HDAC5: variants seen among roughly 807,000 people sequenced by gnomAD.
HDAC5 encodes the protein antigen NY-CO-9.
HDAC5 carries 25 observed loss-of-function variants against 133.3 expected under a neutral mutation model. The ratio of observed to expected loss-of-function variants is 0.19; its 90% CI spans 0.14 to 0.26. The LOEUF (loss-of-function observed/expected upper bound fraction) is 0.26. HDAC5 is among the 10% of genes least tolerant of loss of function. The probability of loss-of-function intolerance (pLI) is 1.00; values close to 1 mark genes in which losing one functional copy is unlikely to be tolerated. For missense variants in HDAC5, 1,041 were observed against 1,460.5 expected (o/e 0.71, Z 4.68); for synonymous variants, 589 against 610.8 (o/e 0.96, Z 0.53).
intron 3 of HDAC5, among the ~76,000 whole-genome samples, chr17:44,106,138 C>T (rs1214120919): frequency 6.6e-6 from 1 of 152,102 alleles, no homozygotes; most frequent in African/African-American, 2.4e-5. Context: ...GATTTCCTGT[C>T]TGGCAGCTGT....
Position 44,117,804 on chromosome 17 carries a change from G to C in HDAC5, c.-189-100C>G. The C allele has an allele frequency of 1.8e-6, 1 of 570,540 alleles. No homozygotes were observed. The highest frequency in any genetic ancestry group is 3.1e-6 in the Non-Finnish European group (1 of 319,112). 35.3% of individuals were successfully genotyped at this position (570,540 alleles called of 1,614,324 possible). ...CAGTTTGTACCTGGGGATGAGGGAT[G>C]AGAGGGAGGGATACCTGCCCACAGC... On this transcript the variant is annotated intron_variant, in intron 1 of 26. Transcript: ENST00000682912. This position sits in a 1 kb window ranked among gnomAD's most constrained non-coding sequence, Gnocchi z 4.2.
Position 44,088,394 on chromosome 17 carries a change from A to C in HDAC5, c.1592T>G (p.Leu531Arg). Residue 531 changes from leucine to arginine, a missense_variant, in exon 12 of 27, where the codon CTG (leucine) becomes CGG (arginine). This residue lies in a region of HDAC5 where 433 missense variants were observed against 531.6 expected (regional missense o/e 0.81). Coordinates refer to ENST00000682912, the MANE Select transcript of HDAC5 (RefSeq NM_005474.5). ...LEKQKQQQLQ[L>R]GKILTKTGEL... ...TCACCTTTCCAGGCTCACCTTGCCC[A>C]GCTGTAGCTGCTGCTGCTTCTGCTT... 2 of 1,551,488 alleles carry C rather than the reference A, an allele frequency of 1.3e-6. No homozygotes were observed. The highest frequency in any genetic ancestry group is 4.9e-5 in the East Asian group (2 of 41,060).
rs149570636 is a variant in HDAC5, at chr17:44,092,472, C to T, written c.828G>A (p.Arg276=). The change falls in exon 8 of 27, where the codon CGG becomes CGA. Residue 276 remains arginine, a synonymous_variant. Coordinates refer to ENST00000682912, the MANE Select transcript of HDAC5 (RefSeq NM_005474.5). The stretch of plus-strand genomic sequence containing the variant: ...TGCGACGCAGGAGGGGACTGCTTCT[C>T]CGCTCAGCCACCTTCTGTTTTAGCC... The part of the protein sequence containing the change: ...RSRLKQKVAE[R]RSSPLLRRKD... The T allele has an allele frequency of 2.6e-4, 412 of 1,613,920 alleles. No individual in the cohort carries two copies. Among genetic ancestry groups the T allele is most frequent in the Middle Eastern group, 3.3e-4 (2 of 6,080 alleles).
intron 20 of HDAC5, 52 bp downstream of exon 20, chr17:44,082,533 C>G: frequency 7.0e-7 from 1 of 1,422,002 alleles, no homozygotes; most frequent in Non-Finnish European, 9.9e-7. Flanking sequence ...GAAGGCTGAC[C>G]CTGGTCCTAG....
chr17:44,088,682 C>T, intron 11 of HDAC5, 84 bp from the exon 12 acceptor site: 3 of 1,519,176 alleles, frequency 2.0e-6, no homozygotes, highest in South Asian at 1.3e-5. Flanking sequence ...GCCCCCACAA[C>T]CCCCTCTGGC....
At chr17:44,113,508 T>G (rs2052464745) in intron 2 of HDAC5, among the ~76,000 whole-genome samples, 1 of 151,978 alleles carries the variant, frequency 6.6e-6, no homozygotes, top group Non-Finnish European at 1.5e-5. Context: ...TGATACAAGG[T>G]CCTCCTAATG....
chr17:44,084,524 T>C (rs2050555847), intron 16 of HDAC5, 31 bp downstream of exon 16: 2 of 1,603,414 alleles, frequency 1.2e-6, no homozygotes, highest in Non-Finnish European at 1.7e-6. Context: ...ACACTGAACA[T>C]GCCTGCCCGC....
At chr17:44,081,030 CTCCA>C (rs1178176798) in intron 20 of HDAC5, 148 bp from the exon 21 acceptor site, 3 of 1,026,430 alleles carry the variant, frequency 2.9e-6, no homozygotes, top group Non-Finnish European at 4.3e-6. Context: ...GAGCCCAGGA[CTCCA>C]CCCTTGGCCA....
rs558980621 is a variant in HDAC5, at chr17:44,108,767, A to C, written c.94+1962T>G. 1.1e-3 allele frequency among the ~76,000 whole-genome samples: 163 copies of C among 146,544 alleles called. 1 individual carries two copies. Among genetic ancestry groups the C allele is most frequent in the South Asian group, 7.1e-3 (34 of 4,756 alleles). ...TCCAGAGTCCAAAAAAAAAACAAAAAAAAAACAAAAAAAAAACAAGGCTGC... is the reference window on the plus strand; with the variant it reads ...TCCAGAGTCCAAAAAAAAAACAAAACAAAAACAAAAAAAAAACAAGGCTGC... On this transcript the variant is annotated intron_variant, in intron 3 of 26. Coordinates refer to ENST00000682912, the MANE Select transcript of HDAC5 (RefSeq NM_005474.5).
chr17:44,086,929 A>G (rs2050680875), intron 13 of HDAC5, among the ~76,000 whole-genome samples, 192 bp from the exon 14 acceptor site: 1 of 128,262 alleles, frequency 7.8e-6, no homozygotes, highest in African/African-American at 3.0e-5. Flanking sequence ...GATGGGGGAG[A>G]TGTGATGAGT....
At chr17:44,108,751 C>CAAAAAA (rs773575696) in intron 3 of HDAC5, among the ~76,000 whole-genome samples, 25 of 56,950 alleles carry the variant, frequency 4.4e-4, no homozygotes, top group African/African-American at 1.3e-3. Context: ...TTCCAGAGTC[C>CAAAAAA]AAAAAAAAAA....
intron 3 of HDAC5, among the ~76,000 whole-genome samples, chr17:44,104,665 C>T (rs2051824130): frequency 6.6e-6 from 1 of 152,238 alleles, no homozygotes; most frequent in African/African-American, 2.4e-5. Context: ...GCTCTTGGCT[C>T]AGGCCACAAT....
At chr17:44,122,903 G>A (rs2053098928) in intron 1 of HDAC5, among the ~76,000 whole-genome samples, 1 of 152,240 alleles carries the variant, frequency 6.6e-6, no homozygotes, top group African/African-American at 2.4e-5. Context: ...CAGGAGAAGA[G>A]GGTGGCAACA....
At position 44,091,456 on chromosome 17, in the gene HDAC5, T is replaced by A. The variant is rs938614249; in HGVS notation, c.1201A>T (p.Arg401Trp). 7 of 1,545,018 alleles carry A rather than the reference T, an allele frequency of 4.5e-6. No individual in the cohort carries two copies. Among genetic ancestry groups the A allele is most frequent in the Non-Finnish European group, 6.1e-6 (7 of 1,146,898 alleles). Residue 401 changes from arginine (R) to tryptophan (W), a missense_variant, in exon 11 of 27, where the codon AGG becomes TGG. By Grantham distance (101) the Arg-to-Trp change is moderately radical. Coordinates refer to ENST00000682912, the MANE Select transcript of HDAC5 (RefSeq NM_005474.5). Reference sequence around the variant, plus strand: ...TGCCGCAGGGACTGGAGGGCCTGCCTCTCGGCCTCCTGCTGTGTCGACAGC... The same window carrying A: ...TGCCGCAGGGACTGGAGGGCCTGCCACTCGGCCTCCTGCTGTGTCGACAGC... ...PKLSTQQEAE[R>W]QALQSLRQGG...
intron 11 of HDAC5, among the ~76,000 whole-genome samples, chr17:44,090,386 T>A (rs1478731279): frequency 1.3e-5 from 2 of 152,130 alleles, no homozygotes; most frequent in African/African-American, 4.8e-5. Flanking sequence ...TTGCTTCTCT[T>A]TTTTTTGAGA....
chr17:44,086,931 G>A (rs769738017), intron 13 of HDAC5, among the ~76,000 whole-genome samples, 194 bp from the exon 14 acceptor site: 1 of 144,934 alleles, frequency 6.9e-6, no homozygotes, highest in South Asian at 2.4e-4. Context: ...TGGGGGAGAT[G>A]TGATGAGTCA....
intron 2 of HDAC5, chr17:44,111,402 G>C (rs2143571434): frequency 2.7e-6 from 1 of 366,510 alleles, no homozygotes; most frequent in Non-Finnish European, 5.4e-6. Flanking sequence ...ATGGGAACAG[G>C]GGAGGGCCTG....
At chr17:44,098,808 G>A (rs945959301) in intron 3 of HDAC5, among the ~76,000 whole-genome samples, 2 of 151,406 alleles carry the variant, frequency 1.3e-5, no homozygotes, top group Non-Finnish European at 2.9e-5. Context: ...AAGAGCTCTG[G>A]CTAGCAAAGA....
At chr17:44,116,270 C>T (rs1279446349) in intron 2 of HDAC5, among the ~76,000 whole-genome samples, 1 of 152,156 alleles carries the variant, frequency 6.6e-6, no homozygotes, top group Non-Finnish European at 1.5e-5. Flanking sequence ...CCAAGATGCA[C>T]GAGGGACAGA....
Sources: gnomAD v4.1 joint callset for allele counts (sites outside exome capture counted in the v4.1 genomes callset) on GRCh38, gnomAD v4.1.1 for gene constraint, gnomAD v4.1.1 regional missense constraint, Gnocchi (gnomAD v3.1) non-coding constraint, MANE v1.5 for transcripts, NCBI Gene and HGNC (gene_info 2026-07-23, HGNC 2026-07-21) for gene names.